Variants in SNX29 observed in about 807,000 individuals in gnomAD.
SNX29 encodes the protein sorting nexin 29.
SNX29 carries 78 observed loss-of-function variants against 102.1 expected under a neutral mutation model. The ratio of observed to expected loss-of-function variants is 0.76; its 90% CI spans 0.64 to 0.92. The LOEUF (loss-of-function observed/expected upper bound fraction) is 0.92, where lower values mean the gene tolerates loss of function less well. Among genes scored for constraint, SNX29 ranks in the 40% least tolerant of loss-of-function variants. The pLI is 0.00. For missense variants in SNX29, 1,280 were observed against 1,061.7 expected (o/e 1.21, Z -2.86); for synonymous variants, 580 against 414.5 (o/e 1.40, Z -4.85).
At chr16:12,546,741 G>C (rs977987955) in intron 20 of SNX29, 1 of 151,342 alleles carries the variant, frequency 6.6e-6, no homozygotes, top group South Asian at 2.1e-4. Flanking sequence ...GAAGATAGGA[G>C]AAAATTAGAC....
chr16:12,272,409 T>C (rs1364153631), intron 14 of SNX29, among the ~76,000 whole-genome samples: 1 of 152,218 alleles, frequency 6.6e-6, no homozygotes, highest in Non-Finnish European at 1.5e-5. Flanking sequence ...AGAGCAGGGC[T>C]GTGAGTTCGC....
intron 14 of SNX29, among the ~76,000 whole-genome samples, chr16:12,272,606 A>G (rs1248655733): frequency 6.6e-6 from 1 of 152,234 alleles, no homozygotes; most frequent in Non-Finnish European, 1.5e-5. Context: ...TAGTTTACAT[A>G]TCACTAACAT....
At chr16:12,342,169 C>T (rs970318175) in intron 15 of SNX29, among the ~76,000 whole-genome samples, 7 of 152,190 alleles carry the variant, frequency 4.6e-5, no homozygotes, top group African/African-American at 1.7e-4. Context: ...TTTGCACTTA[C>T]CTTCACTGCG....
At chr16:12,555,157 GGGTCTGGCATCAGTGGGGTTACTCA>G (rs2078250987) in intron 20 of SNX29, among the ~76,000 whole-genome samples, 1 of 151,922 alleles carries the variant, frequency 6.6e-6, no homozygotes, top group Non-Finnish European at 1.5e-5. Context: ...AGGAGTGACA[GGGTCTGGCATCAGTGGGGTTACTCA>G]GGTGTGGCAT....
At chr16:12,019,827 G>A (rs1444551717) in intron 3 of SNX29, among the ~76,000 whole-genome samples, 2 of 151,642 alleles carry the variant, frequency 1.3e-5, no homozygotes, top group Non-Finnish European at 2.9e-5. Context: ...AGTAGAAACG[G>A]GATTTCACCA....
chr16:12,456,671 C>G (rs1009325121), intron 18 of SNX29, among the ~76,000 whole-genome samples: 4 of 151,950 alleles, frequency 2.6e-5, no homozygotes, highest in African/African-American at 9.7e-5. Flanking sequence ...TGTGTGAGTA[C>G]TTGATAGTGT....
At chr16:12,282,331 G>A (rs1196569184) in intron 15 of SNX29, among the ~76,000 whole-genome samples, 1 of 152,200 alleles carries the variant, frequency 6.6e-6, no homozygotes, top group Non-Finnish European at 1.5e-5. Context: ...GGCGCTGGTG[G>A]TGGGGACATC....
intron 3 of SNX29, 60 bp from the exon 4 acceptor site, chr16:12,027,260 G>A: frequency 6.2e-7 from 1 of 1,601,124 alleles, no homozygotes; most frequent in Non-Finnish European, 8.5e-7. Flanking sequence ...AGATGCTGGG[G>A]CCGCCCTAGT....
intron 10 of SNX29, among the ~76,000 whole-genome samples, chr16:12,073,796 G>A (rs928632390): frequency 6.6e-6 from 1 of 151,840 alleles, no homozygotes; most frequent in Non-Finnish European, 1.5e-5. Flanking sequence ...TTATTGTGTG[G>A]GAGTCTAAGT....
At chr16:12,288,156 C>G (rs1156662985) in intron 15 of SNX29, among the ~76,000 whole-genome samples, 4 of 152,176 alleles carry the variant, frequency 2.6e-5, no homozygotes, top group Non-Finnish European at 4.4e-5. Flanking sequence ...GGAGGTGGGA[C>G]TTGACTCCAG....
chr16:12,143,294 G>A (rs74245579), intron 13 of SNX29, among the ~76,000 whole-genome samples: 29,869 of 152,112 alleles, frequency 0.2, 3,389 homozygotes, highest in Middle Eastern at 0.28. Flanking sequence ...ACTGCGCCTG[G>A]CCGGCCACAA....
At chr16:12,079,986 C>T (rs983806986) in intron 11 of SNX29, among the ~76,000 whole-genome samples, 1 of 152,120 alleles carries the variant, frequency 6.6e-6, no homozygotes, top group Non-Finnish European at 1.5e-5. Flanking sequence ...CATGATCATT[C>T]TATTTTGATG....
chr16:12,089,809 G>A (rs1420564014), intron 11 of SNX29: 1 of 373,982 alleles, frequency 2.7e-6, no homozygotes, highest in Admixed American at 3.6e-5. Flanking sequence ...TGCTTGCCAC[G>A]CAGAGCACAC....
intron 16 of SNX29, among the ~76,000 whole-genome samples, chr16:12,380,079 C>T (rs1425686072): frequency 6.6e-6 from 1 of 151,118 alleles, no homozygotes; most frequent in Non-Finnish European, 1.5e-5. Flanking sequence ...CTGCCAATGC[C>T]CTAATTTCTT....
intron 16 of SNX29, among the ~76,000 whole-genome samples, chr16:12,371,546 A>G (rs1343392218): frequency 1.3e-5 from 2 of 152,188 alleles, no homozygotes; most frequent in Admixed American, 1.3e-4. Context: ...GGGCTCAAGC[A>G]ATCCTGCCTC....
chr16:12,337,666 A>G (rs75551522), intron 15 of SNX29, among the ~76,000 whole-genome samples: 6,797 of 152,266 alleles, frequency 0.045, 493 homozygotes, highest in African/African-American at 0.15. Context: ...GAAGAAGAAT[A>G]CTTGCAAACA....
At chr16:12,526,392 C>T (rs373375376) in intron 20 of SNX29, among the ~76,000 whole-genome samples, 12 of 152,270 alleles carry the variant, frequency 7.9e-5, no homozygotes, top group African/African-American at 2.6e-4. Context: ...GAAATTGTCT[C>T]CAAGATGGTT....
intron 15 of SNX29, among the ~76,000 whole-genome samples, chr16:12,319,851 C>T (rs1035232829): frequency 5.3e-5 from 8 of 152,146 alleles, no homozygotes; most frequent in Admixed American, 3.3e-4. Flanking sequence ...CACACCCTTT[C>T]TCTTGGAAAT....
chr16:12,007,441 G>T (rs1265955726), intron 3 of SNX29, among the ~76,000 whole-genome samples: 1 of 151,780 alleles, frequency 6.6e-6, no homozygotes, highest in Non-Finnish European at 1.5e-5. Context: ...GGAGGCAGAG[G>T]TTGCAGTAAG....
Sources: allele counts gnomAD v4.1 joint callset (sites outside exome capture counted in the v4.1 genomes callset), GRCh38; gene constraint gnomAD v4.1.1; transcripts MANE v1.5; gene names NCBI Gene and HGNC (gene_info 2026-07-23, HGNC 2026-07-21).